FSTL4: variants seen among roughly 807,000 people sequenced by gnomAD.
FSTL4 encodes follistatin like 4.
FSTL4 carries 28 observed loss-of-function variants against 78.2 expected under a neutral mutation model. The observed-to-expected ratio is 0.36, with a 90% CI of 0.27 to 0.49. FSTL4 has a LOEUF of 0.49. Ranked by LOEUF, FSTL4 falls within the 20% of genes least tolerant of loss-of-function variation. FSTL4 has a pLI of 0.98. For synonymous variants in FSTL4, 422 were observed against 440.5 expected (o/e 0.96, Z 0.53); for missense variants, 922 against 1,084.9 (o/e 0.85, Z 2.11).
At chr5:133,537,854 T>C (rs1031868936) in intron 3 of FSTL4, among the ~76,000 whole-genome samples, 1 of 151,862 alleles carries the variant, frequency 6.6e-6, no homozygotes, top group Non-Finnish European at 1.5e-5. Context: ...TGTATCTATA[T>C]GTACACACAT....
chr5:133,345,133 A>G (rs906491176), intron 4 of FSTL4, among the ~76,000 whole-genome samples: 4 of 152,076 alleles, frequency 2.6e-5, no homozygotes, highest in Non-Finnish European at 4.4e-5. Context: ...TTTAAATCAG[A>G]AAGATATACA....
chr5:133,453,023 C>A (rs1363480724), intron 3 of FSTL4, among the ~76,000 whole-genome samples: 5 of 152,102 alleles, frequency 3.3e-5, no homozygotes, highest in Admixed American at 2.0e-4. Flanking sequence ...ATATCAGTGC[C>A]TAGAACAATG....
At chr5:133,436,663 T>G (rs886587596) in intron 3 of FSTL4, among the ~76,000 whole-genome samples, 2 of 152,160 alleles carry the variant, frequency 1.3e-5, no homozygotes, top group African/African-American at 4.8e-5. Flanking sequence ...ACTGGTCAAC[T>G]GAAGTCATCC....
the FSTL4 span, among the ~76,000 whole-genome samples, chr5:133,620,878 C>A: frequency 6.6e-6 from 1 of 152,176 alleles, no homozygotes; most frequent in Non-Finnish European, 1.5e-5. Context: ...GCGGAGATTC[C>A]TTAAAGAACT....
intron 4 of FSTL4, among the ~76,000 whole-genome samples, chr5:133,395,631 G>C (rs757621904): frequency 3.9e-5 from 6 of 152,174 alleles, no homozygotes; most frequent in Non-Finnish European, 8.8e-5. Flanking sequence ...TGATCCACTT[G>C]TCTGCCTTTA....
chr5:133,431,174 T>A lies in FSTL4; in HGVS notation c.161-30188A>T, dbSNP rs1440331575. Among the ~76,000 whole-genome samples, 7 of 152,312 alleles carry A rather than the reference T, an allele frequency of 4.6e-5. No individual in the cohort carries two copies. The East Asian group carries it at 1.4e-3, about 29-fold the overall frequency. ...CTGGCACTTTCCCACTGAACCCAGG[T>A]GTGGCCTTCTTATTTACCTCTCACA... On this transcript the variant is annotated intron_variant, in intron 3 of 15. Transcript: ENST00000265342.
intron 3 of FSTL4, among the ~76,000 whole-genome samples, chr5:133,505,045 C>G (rs1758584431): frequency 6.6e-6 from 1 of 151,962 alleles, no homozygotes; most frequent in African/African-American, 2.4e-5. Context: ...AAATATAGTG[C>G]TAAGTGAAAA....
At chr5:133,463,570 G>T (rs1206840204) in intron 3 of FSTL4, among the ~76,000 whole-genome samples, 2 of 152,204 alleles carry the variant, frequency 1.3e-5, no homozygotes, top group South Asian at 4.1e-4. Flanking sequence ...AGACAGCAAG[G>T]CAGGGGAAAT....
At chr5:133,748,979 T>A in the FSTL4 span, among the ~76,000 whole-genome samples, 1 of 152,122 alleles carries the variant, frequency 6.6e-6, no homozygotes, top group Non-Finnish European at 1.5e-5. Context: ...TGCATGAAAC[T>A]ATGAACATAT....
chr5:133,805,146 C>G, the FSTL4 span, among the ~76,000 whole-genome samples: 1 of 151,798 alleles, frequency 6.6e-6, no homozygotes, highest in African/African-American at 2.4e-5. Context: ...CCACTTCACC[C>G]ACCTCCCCTC....
At chr5:133,803,772 G>C in the FSTL4 span, among the ~76,000 whole-genome samples, 9 of 152,188 alleles carry the variant, frequency 5.9e-5, no homozygotes, top group Non-Finnish European at 1.2e-4. Context: ...ATGCCAAACT[G>C]TCTGTTGTCT....
chr5:133,432,339 C>T (rs1030656721), intron 3 of FSTL4, among the ~76,000 whole-genome samples: 1 of 152,188 alleles, frequency 6.6e-6, no homozygotes, highest in Non-Finnish European at 1.5e-5. Flanking sequence ...TTCATAATGA[C>T]ATTTCTGCCT....
At chr5:133,653,910 A>G in the FSTL4 span, among the ~76,000 whole-genome samples, 1 of 152,242 alleles carries the variant, frequency 6.6e-6, no homozygotes, top group Non-Finnish European at 1.5e-5. Context: ...CACTGACAGG[A>G]CAGAACAGAA....
rs1433217659 is a variant in FSTL4, at chr5:133,196,910, C to A, written c.*2185G>T. The A allele has an allele frequency of 6.6e-6, 1 of 152,260 alleles. No individual in the cohort carries two copies. Among genetic ancestry groups the A allele is most frequent in the Non-Finnish European group, 1.5e-5 (1 of 68,068 alleles). The allele number at this position is 152,260 out of a possible 1,614,324, so 9.4% of individuals were successfully genotyped here. ...TGTGTCTGGCATGCTGTCAGTGAGACCTAAGCCTGCCGTCTCCAGGAAATG... is the reference window on the plus strand; with the variant it reads ...TGTGTCTGGCATGCTGTCAGTGAGAACTAAGCCTGCCGTCTCCAGGAAATG... On this transcript the variant is annotated 3_prime_UTR_variant, in exon 16 of 16. Coordinates refer to ENST00000265342, the MANE Select transcript of FSTL4 (RefSeq NM_015082.2).
chr5:133,769,896 CT>C, the FSTL4 span, among the ~76,000 whole-genome samples: 1 of 152,274 alleles, frequency 6.6e-6, no homozygotes, highest in East Asian at 1.9e-4. Context: ...TATTATTCCA[CT>C]CTATACATCC....
At chr5:133,368,118 C>T (rs1223972777) in intron 4 of FSTL4, among the ~76,000 whole-genome samples, 1 of 152,374 alleles carries the variant, frequency 6.6e-6, no homozygotes, top group East Asian at 1.9e-4. Flanking sequence ...CTGATAAGAG[C>T]ATCTTTGTTT....
intron 14 of FSTL4, 29 bp from the exon 15 acceptor site, chr5:133,202,071 G>C: frequency 6.8e-7 from 1 of 1,478,294 alleles, no homozygotes; most frequent in Non-Finnish European, 9.3e-7. Flanking sequence ...ATCCTAGTGA[G>C]GGCCCATGCA....
At chr5:133,761,536 C>G in the FSTL4 span, among the ~76,000 whole-genome samples, 5 of 152,134 alleles carry the variant, frequency 3.3e-5, no homozygotes, top group African/African-American at 1.2e-4. Context: ...CCCAGATTCC[C>G]AACAATCGTT....
the FSTL4 span, among the ~76,000 whole-genome samples, chr5:133,672,638 G>A: frequency 2.5e-4 from 38 of 152,338 alleles, no homozygotes; most frequent in South Asian, 4.1e-4. Context: ...AGACAGCAGA[G>A]GTGAGGGGAA....
Sources: allele counts gnomAD v4.1 joint callset (sites outside exome capture counted in the v4.1 genomes callset), GRCh38; gene constraint gnomAD v4.1.1; transcripts MANE v1.5; gene names NCBI Gene and HGNC (gene_info 2026-07-23, HGNC 2026-07-21).